The following NCOR2 variants were observed in gnomAD, a reference collection of about 807,000 sequenced individuals.
NCOR2 encodes the protein nuclear receptor corepressor 2.
NCOR2 carries 81 observed loss-of-function variants against 262.9 expected under a neutral mutation model. That is an observed-to-expected ratio of 0.31 (90% confidence interval 0.26 to 0.37). The LOEUF (loss-of-function observed/expected upper bound fraction) is 0.37, where lower values mean the gene tolerates loss of function less well. Among genes scored for constraint, NCOR2 ranks in the 10% least tolerant of loss-of-function variants. The pLI is 1.00. For missense variants in NCOR2, 3,385 were observed against 3,621.4 expected (o/e 0.93, Z 1.68); for synonymous variants, 1,659 against 1,559.3 (o/e 1.06, Z -1.51).
chr12:124,402,945 G>A (rs2042062237), intron 13 of NCOR2, among the ~76,000 whole-genome samples: 1 of 152,192 alleles, frequency 6.6e-6, no homozygotes, highest in South Asian at 2.1e-4. Context: ...TGCCTCAGCT[G>A]AGGGCTGGGA....
At chr12:124,426,025 TG>T (rs2043523647) in intron 11 of NCOR2, among the ~76,000 whole-genome samples, 1 of 152,214 alleles carries the variant, frequency 6.6e-6, no homozygotes. Context: ...CAAAAGCCAC[TG>T]GCCAGCTGCC....
chr12:124,387,696 C>T (rs529201010), intron 16 of NCOR2, among the ~76,000 whole-genome samples: 1 of 152,360 alleles, frequency 6.6e-6, no homozygotes, highest in Admixed American at 6.5e-5. Context: ...AAGTGGCACC[C>T]GGCCCCTGAC....
At chr12:124,430,753 A>G (rs2043861707) in exon 9 of NCOR2, 2 of 1,613,832 alleles carry the variant, frequency 1.2e-6, no homozygotes, top group Admixed American at 1.7e-5. Context: ...CCAGGCCTCC[A>G]TGAGCTGGTC....
chr12:124,560,247 C>G (rs984826129), intron 1 of NCOR2, among the ~76,000 whole-genome samples: 2 of 152,230 alleles, frequency 1.3e-5, no homozygotes, highest in East Asian at 3.8e-4. Flanking sequence ...GTTCTGTAGG[C>G]CTTCCAGCCT....
exon 20 of NCOR2, chr12:124,372,542 C>G: frequency 6.3e-7 from 1 of 1,597,458 alleles, no homozygotes; most frequent in Non-Finnish European, 8.5e-7. Context: ...CCATTCTGCC[C>G]TGTGTCCTTG....
intron 1 of NCOR2, among the ~76,000 whole-genome samples, chr12:124,558,180 G>A (rs933208726): frequency 3.9e-5 from 6 of 152,142 alleles, no homozygotes; most frequent in African/African-American, 1.4e-4. Context: ...GCCCTCCCCT[G>A]TGGGTCTGGG....
At chr12:124,436,675 G>A (rs1241808302) in intron 8 of NCOR2, among the ~76,000 whole-genome samples, 1 of 152,194 alleles carries the variant, frequency 6.6e-6, no homozygotes, top group Admixed American at 6.5e-5. Flanking sequence ...CCCTCTCCTG[G>A]CCTAATCAGA....
At chr12:124,521,495 G>A (rs2050185832) in intron 1 of NCOR2, among the ~76,000 whole-genome samples, 1 of 152,218 alleles carries the variant, frequency 6.6e-6, no homozygotes, top group South Asian at 2.1e-4. Flanking sequence ...ATTGTGCGGA[G>A]TGAAAGAAGC....
At chr12:124,329,233 G>A in intron 44 of NCOR2, 1 of 446,624 alleles carries the variant, frequency 2.2e-6, no homozygotes. Flanking sequence ...GGCCCAATGT[G>A]GGTGGATCAT....
chr12:124,479,966 G>C (rs2047355729), intron 3 of NCOR2, among the ~76,000 whole-genome samples: 1 of 152,224 alleles, frequency 6.6e-6, no homozygotes, highest in Non-Finnish European at 1.5e-5. Flanking sequence ...ACACTGGCTG[G>C]GCATGACTTG....
chr12:124,497,094 C>T (rs1197458145), upstream of NCOR2, among the ~76,000 whole-genome samples: 2 of 152,212 alleles, frequency 1.3e-5, no homozygotes, highest in Non-Finnish European at 2.9e-5. The surrounding 1 kb of genome is among the most constrained non-coding windows in gnomAD (Gnocchi z 4.2). Flanking sequence ...TCCTTCTGCA[C>T]GTTTTGTCTT....
At chr12:124,401,532 T>C (rs1323719528) in intron 14 of NCOR2, among the ~76,000 whole-genome samples, 2 of 152,246 alleles carry the variant, frequency 1.3e-5, no homozygotes, top group Non-Finnish European at 2.9e-5. Context: ...AGGCAATACA[T>C]TGGCCTTCAG....
intron 43 of NCOR2, 92 bp downstream of exon 45, chr12:124,332,227 G>C: frequency 6.7e-7 from 1 of 1,503,616 alleles, no homozygotes; most frequent in Admixed American, 1.7e-5. Flanking sequence ...GGTGCACCGT[G>C]GGTTTCTGCC....
chr12:124,525,425 G>A (rs1023339194), intron 1 of NCOR2, among the ~76,000 whole-genome samples: 7 of 152,218 alleles, frequency 4.6e-5, no homozygotes, highest in African/African-American at 1.7e-4. Context: ...GCAAAATCGT[G>A]TTTGTTTTTT....
At chr12:124,505,779 G>A (rs533766443) in intron 1 of NCOR2, among the ~76,000 whole-genome samples, 12 of 152,168 alleles carry the variant, frequency 7.9e-5, no homozygotes, top group Non-Finnish European at 1.0e-4. Flanking sequence ...GGGGGAAGGA[G>A]GGAGGTGATG....
intron 13 of NCOR2, among the ~76,000 whole-genome samples, chr12:124,405,763 C>T (rs2042241243): frequency 6.6e-6 from 1 of 152,198 alleles, no homozygotes; most frequent in African/African-American, 2.4e-5. Flanking sequence ...GCTGGGGGGA[C>T]CCGGCAGCCG....
chr12:124,374,773 C>T (rs942275701), intron 18 of NCOR2, among the ~76,000 whole-genome samples: 1 of 152,230 alleles, frequency 6.6e-6, no homozygotes, highest in Non-Finnish European at 1.5e-5. Flanking sequence ...GTGTCCTTGC[C>T]CTAAGTCATC....
At chr12:124,332,568 G>A in intron 42 of NCOR2, 101 bp from the exon 45 acceptor site, 3 of 1,516,556 alleles carry the variant, frequency 2.0e-6, no homozygotes, top group Non-Finnish European at 1.8e-6. Context: ...ACATTTGGAA[G>A]CAAGCTTCAC....
Position 124,530,755 on chromosome 12 carries a change from A to G in NCOR2, c.-118+4810T>C, listed in dbSNP as rs11057657. Among the ~76,000 whole-genome samples, 2,055 of 152,282 alleles carry G rather than the reference A, an allele frequency of 0.013. 122 individuals carry two copies. The East Asian group carries it at 0.17, about 13-fold the overall frequency. On this transcript the variant is annotated intron_variant, in intron 1 of 46. Coordinates refer to the NCOR2 transcript ENST00000404621. ...CCTCTACAAAAGCAAGGTGAGAAAT[A>G]CCACACTCCTCAGAAAACTGCCAAG...
Sources: allele counts gnomAD v4.1 joint callset (sites outside exome capture counted in the v4.1 genomes callset), GRCh38; gene constraint gnomAD v4.1.1; non-coding constraint Gnocchi (gnomAD v3.1); transcripts MANE v1.5; gene names NCBI Gene and HGNC (gene_info 2026-07-23, HGNC 2026-07-21).